The following OTOG variants were observed in gnomAD, a reference collection of about 807,000 sequenced individuals.
OTOG encodes otogelin.
Under a neutral mutation model 313.8 loss-of-function variants are expected in OTOG, and 296 were observed. The ratio of observed to expected loss-of-function variants is 0.94; its 90% confidence interval spans 0.86 to 1.04. The LOEUF is 1.04. Ranked by LOEUF, OTOG falls within the 50% of genes least tolerant of loss-of-function variation. The pLI is 0.00. For synonymous variants in OTOG, 1,533 were observed against 1,554.9 expected, an observed-to-expected ratio of 0.99 and a Z score of 0.33; for missense variants, 3,948 against 3,840.1, an observed-to-expected ratio of 1.03 and a Z score of -0.74.
chr11:17,553,181 T>C lies in OTOG; in HGVS notation c.355T>C (p.Phe119Leu), dbSNP rs1469671837. The change falls in exon 5 of 56, where the codon TTC becomes CTC. Residue 119 changes from phenylalanine to leucine, a missense_variant. Physicochemically the swap from Phe to Leu is conservative, Grantham distance 22. Coordinates refer to ENST00000399397, the MANE Select transcript of OTOG (RefSeq NM_001292063.2). The part of the protein sequence containing the change: ...VHPAFCDCRR[F>L]NATGPRCQMV... ...CCCAGCCTTCTGTGACTGCAGACGC[T>C]TCAATGCCACTGGACCGCGCTGCCA... The C allele has an allele frequency of 6.4e-7, 1 of 1,550,508 alleles. No homozygotes were observed. The highest frequency in any genetic ancestry group is 2.0e-5 in the Admixed American group (1 of 50,998).
At chr11:17,636,588 G>T (rs1262587139) in intron 47 of OTOG, among the ~76,000 whole-genome samples, 1 of 152,166 alleles carries the variant, frequency 6.6e-6, no homozygotes, top group Non-Finnish European at 1.5e-5. Flanking sequence ...TGACCTGGCC[G>T]CACCTGACCA....
At chr11:17,566,610 A>C (rs1027752053) in intron 15 of OTOG, among the ~76,000 whole-genome samples, 1 of 152,158 alleles carries the variant, frequency 6.6e-6, no homozygotes, top group African/African-American at 2.4e-5. Context: ...ATCTGTAAAC[A>C]CTCACTCTAA....
rs375123353 is a variant in OTOG, at chr11:17,625,645, T to C, written c.6529-3488T>C. On this transcript the variant is annotated intron_variant, in intron 39 of 55. Coordinates refer to ENST00000399397, the MANE Select transcript of OTOG (RefSeq NM_001292063.2). ...ATTTTTTGTGCATTTTTAAATCAGA[T>C]TATTAGATTTTTTTCCTATAGAGTT... Among the ~76,000 whole-genome samples the C allele has an allele frequency of 9.1e-4, 139 of 152,320 alleles. 3 individuals are homozygous for C. The South Asian group carries it at 0.029, about 31-fold the overall frequency.
intron 3 of OTOG, among the ~76,000 whole-genome samples, 188 bp downstream of exon 3, chr11:17,548,400 G>C (rs1245697418): frequency 7.5e-6 from 1 of 133,152 alleles, no homozygotes; most frequent in Non-Finnish European, 1.6e-5. Flanking sequence ...TTAATCTCTT[G>C]GGGGTCTATA....
At chr11:17,562,527 TTTG>T (rs1852213584) in intron 15 of OTOG, among the ~76,000 whole-genome samples, 1 of 152,178 alleles carries the variant, frequency 6.6e-6, no homozygotes, top group Admixed American at 6.5e-5. Flanking sequence ...GGCAACTTCT[TTTG>T]TTGTTGCACA....
intron 42 of OTOG, 38 bp from the exon 43 acceptor site, chr11:17,633,642 G>A (rs779648249): frequency 2.8e-5 from 42 of 1,480,546 alleles, no homozygotes; most frequent in Non-Finnish European, 5.4e-6. Context: ...CCCTGCCTGG[G>A]GTCTGAGGTA....
intron 8 of OTOG, 66 bp downstream of exon 8, chr11:17,557,389 G>C: frequency 4.1e-6 from 6 of 1,460,772 alleles, no homozygotes; most frequent in Non-Finnish European, 5.6e-6. Context: ...AGGCTGGGAG[G>C]GGTTGGAGGG....
intron 39 of OTOG, among the ~76,000 whole-genome samples, chr11:17,614,609 T>A (rs1244367233): frequency 2.0e-5 from 3 of 152,060 alleles, no homozygotes; most frequent in Admixed American, 2.0e-4. Flanking sequence ...CCCTCCCCCC[T>A]CCTGCTGACA....
chr11:17,571,022 T>C (rs531053110), intron 17 of OTOG, among the ~76,000 whole-genome samples: 8 of 152,308 alleles, frequency 5.3e-5, no homozygotes, highest in East Asian at 1.9e-4. Flanking sequence ...CTTAGGAAGG[T>C]TGATTTTAAA....
intron 47 of OTOG, among the ~76,000 whole-genome samples, chr11:17,636,973 T>G (rs740320): frequency 0.17 from 25,850 of 152,138 alleles, 2,402 homozygotes; most frequent in African/African-American, 0.23. Context: ...ATGCAGTAGG[T>G]GCTCCAAAAC....
At position 17,645,552 on chromosome 11, in the gene OTOG, CT is replaced by C. The variant is rs1362366170; in HGVS notation, c.8462-11del. On this transcript the variant is annotated splice_polypyrimidine_tract_variant and intron_variant, in intron 54 of 55. Coordinates refer to ENST00000399397, the MANE Select transcript of OTOG (RefSeq NM_001292063.2). ...TCTTGGCCACAGCTGCCTCATCCCC[CT>C]GTCCCCCCAGGTAAGGAGGATGGGC... 1.3e-6 allele frequency: 2 copies of C among 1,550,110 alleles called. No homozygotes were observed. Among genetic ancestry groups the C allele is most frequent in the African/African-American group, 2.7e-5 (2 of 73,178 alleles).
rs148118400 is a variant in OTOG, at chr11:17,587,668, C to T, written c.2867+1087C>T. 2.2e-3 allele frequency among the ~76,000 whole-genome samples: 339 copies of T among 152,312 alleles called. 5 individuals carry two copies. The highest frequency in any genetic ancestry group is 7.7e-3 in the African/African-American group (320 of 41,556). ...CGGTCAAGCCCATCTGCTCCAAGGCCGGTTTCTCCAGATACATCAGAGTGT... is the reference window on the plus strand; with the variant it reads ...CGGTCAAGCCCATCTGCTCCAAGGCTGGTTTCTCCAGATACATCAGAGTGT... On this transcript the variant is annotated intron_variant, in intron 24 of 55. Transcript: ENST00000399397.
intron 15 of OTOG, among the ~76,000 whole-genome samples, chr11:17,566,480 A>G (rs1306180100): frequency 6.6e-6 from 1 of 152,216 alleles, no homozygotes; most frequent in African/African-American, 2.4e-5. Flanking sequence ...GTATATACAC[A>G]TAAGTATAAA....
chr11:17,644,814 C>T (rs1385191513), intron 54 of OTOG, among the ~76,000 whole-genome samples: 1 of 152,124 alleles, frequency 6.6e-6, no homozygotes, highest in African/African-American at 2.4e-5. Flanking sequence ...TGATTGTCCC[C>T]TCGACAAATA....
intron 40 of OTOG, among the ~76,000 whole-genome samples, chr11:17,630,176 A>G (rs1854084966): frequency 6.6e-6 from 1 of 152,216 alleles, no homozygotes; most frequent in Non-Finnish European, 1.5e-5. Context: ...AAAACAGTGA[A>G]CAAAACAGAC....
intron 6 of OTOG, among the ~76,000 whole-genome samples, chr11:17,554,464 G>A (rs1852011695): frequency 6.6e-6 from 1 of 152,194 alleles, no homozygotes; most frequent in African/African-American, 2.4e-5. Context: ...GCTAAACTGG[G>A]AGTCACCTTC....
chr11:17,593,071 A>G, intron 25 of OTOG, 122 bp from the exon 26 acceptor site: 1 of 1,026,580 alleles, frequency 9.7e-7, no homozygotes, highest in Middle Eastern at 3.0e-4. Flanking sequence ...CACACAGCTC[A>G]GCTAACACAA....
chr11:17,631,709 TG>T lies in OTOG; in HGVS notation c.6721del (p.Asp2241MetfsTer10), dbSNP rs1478013002. ...AQGHGLCGIC[D>X]GDAANDLTLK... Reference sequence around the variant, plus strand: ...TTGTTTGGCCCCTTTCAGGTATCTGTGATGGAGATGCAGCCAATGACCTTAC... The same window carrying T: ...TTGTTTGGCCCCTTTCAGGTATCTGTATGGAGATGCAGCCAATGACCTTAC... On this transcript the variant is annotated frameshift_variant, in exon 41 of 56. Transcript: ENST00000399397. LOFTEE classifies it high-confidence loss of function. The T allele has an allele frequency of 9.7e-6, 15 of 1,550,052 alleles. No individual in the cohort carries two copies. The Admixed American group carries it at 1.8e-4, about 18-fold the overall frequency.
chr11:17,588,221 C>G (rs1474790467), intron 24 of OTOG, among the ~76,000 whole-genome samples: 1 of 152,174 alleles, frequency 6.6e-6, no homozygotes, highest in South Asian at 2.1e-4. Flanking sequence ...TGTAAAAATT[C>G]TACCTCCTAA....
Sources: gnomAD v4.1 joint callset for allele counts (sites outside exome capture counted in the v4.1 genomes callset) on GRCh38, gnomAD v4.1.1 for gene constraint, MANE v1.5 for transcripts, NCBI Gene and HGNC (gene_info 2026-07-23, HGNC 2026-07-21) for gene names.